The following OSBPL9 variants were observed in gnomAD, a reference collection of about 807,000 sequenced individuals.
OSBPL9 encodes oxysterol-binding protein-related protein 9.
In OSBPL9, 40 loss-of-function variants were observed where a neutral mutation model predicts 106.6. The observed-to-expected ratio is 0.38, with a 90% CI of 0.29 to 0.49. The LOEUF is 0.49. Ranked by LOEUF, OSBPL9 falls within the 20% of genes least tolerant of loss-of-function variation. OSBPL9 has a pLI of 0.97. For missense variants in OSBPL9, 609 were observed against 887.2 expected (o/e 0.69, Z 3.98); for synonymous variants, 269 against 295.4 (o/e 0.91, Z 0.92).
the OSBPL9 span, among the ~76,000 whole-genome samples, chr1:51,568,048 A>G: frequency 6.6e-6 from 1 of 152,222 alleles, no homozygotes; most frequent in Non-Finnish European, 1.5e-5. Context: ...GTGAAAACAT[A>G]AAGTATAGTG....
the OSBPL9 span, among the ~76,000 whole-genome samples, chr1:51,534,339 T>A: frequency 6.6e-6 from 1 of 152,252 alleles, no homozygotes; most frequent in African/African-American, 2.4e-5. Flanking sequence ...TTGGATTTTC[T>A]GATTGTCTTT....
chr1:51,716,180 T>A (rs1661012989), intron 4 of OSBPL9, among the ~76,000 whole-genome samples: 1 of 152,198 alleles, frequency 6.6e-6, no homozygotes, highest in Admixed American at 6.5e-5. Flanking sequence ...ATACAAGAGG[T>A]TTTTTTCCTA....
rs1162531147 is a variant in OSBPL9 at position 51,788,280 on chromosome 1, AGTT to A, written c.*495_*497del. 1 of 152,956 alleles carries A rather than the reference AGTT, an allele frequency of 6.5e-6. No homozygotes were observed. Among genetic ancestry groups the A allele is most frequent in the African/African-American group, 2.4e-5 (1 of 41,410 alleles). 9.5% of individuals were successfully genotyped at this position (152,956 alleles called of 1,614,324 possible). ...CCTACTGTAAATATGGGTTCCTCTG[AGTT>A]GTTTTAGAAAATTAGCGCAATGTAT... On this transcript the variant is annotated 3_prime_UTR_variant, in exon 24 of 24. Coordinates refer to ENST00000428468, the MANE Select transcript of OSBPL9 (RefSeq NM_024586.6).
At chr1:51,660,676 T>G (rs1163147612) in intron 2 of OSBPL9, among the ~76,000 whole-genome samples, 2 of 152,232 alleles carry the variant, frequency 1.3e-5, no homozygotes, top group Non-Finnish European at 2.9e-5. Flanking sequence ...AATGAATGAA[T>G]GATGCTAAAG....
intron 1 of OSBPL9, among the ~76,000 whole-genome samples, chr1:51,626,175 A>G (rs1017949971): frequency 6.6e-6 from 1 of 152,192 alleles, no homozygotes; most frequent in Non-Finnish European, 1.5e-5. Context: ...AGGAGATGCC[A>G]TGCTTACCAG....
intron 3 of OSBPL9, chr1:51,708,119 C>T (rs766425788): frequency 2.7e-4 from 56 of 209,890 alleles, no homozygotes; most frequent in Admixed American, 4.4e-4. Context: ...CAGCCAAATC[C>T]GTTTATTCCA....
chr1:51,780,053 G>A (rs879900746), intron 15 of OSBPL9, among the ~76,000 whole-genome samples: 12 of 150,278 alleles, frequency 8.0e-5, no homozygotes, highest in Non-Finnish European at 1.2e-4. Context: ...ACTCCAGCCT[G>A]GACAACAGAG....
At chr1:51,675,827 T>C (rs531580822) in intron 3 of OSBPL9, among the ~76,000 whole-genome samples, 33 of 152,344 alleles carry the variant, frequency 2.2e-4, no homozygotes, top group Admixed American at 1.6e-3. Context: ...TTTAATATCA[T>C]TCATAATGTT....
At chr1:51,575,892 A>C (rs1182862365), upstream of OSBPL9, among the ~76,000 whole-genome samples, 3 of 152,210 alleles carry the variant, frequency 2.0e-5, no homozygotes, top group Non-Finnish European at 4.4e-5. Flanking sequence ...AGCCAAAGGA[A>C]ATCTATATAA....
intron 3 of OSBPL9, among the ~76,000 whole-genome samples, chr1:51,685,854 G>T (rs538267325): frequency 6.6e-6 from 1 of 152,156 alleles, no homozygotes. Flanking sequence ...TTTATCATTA[G>T]ATTTTCTTAA....
chr1:51,659,214 A>G (rs1448385982), intron 2 of OSBPL9, among the ~76,000 whole-genome samples: 1 of 152,162 alleles, frequency 6.6e-6, no homozygotes, highest in East Asian at 1.9e-4. Flanking sequence ...GAGAATACCA[A>G]AGACGCAGTA....
the OSBPL9 span, among the ~76,000 whole-genome samples, chr1:51,566,904 G>C: frequency 6.6e-6 from 1 of 152,174 alleles, no homozygotes; most frequent in African/African-American, 2.4e-5. Flanking sequence ...ATCTCAGAGA[G>C]CTCCTGCATG....
At chr1:51,608,476 T>G (rs980848071) in intron 2 of OSBPL9, among the ~76,000 whole-genome samples, 18 of 151,838 alleles carry the variant, frequency 1.2e-4, no homozygotes, top group African/African-American at 4.1e-4. Context: ...TTTTTTTTAT[T>G]TTTAGTAGAG....
chr1:51,700,038 C>G (rs1656898721), intron 3 of OSBPL9, among the ~76,000 whole-genome samples: 1 of 152,146 alleles, frequency 6.6e-6, no homozygotes, highest in South Asian at 2.1e-4. Flanking sequence ...AAAACTTTAT[C>G]TTTGTTGTAT....
chr1:51,788,810 G>A lies in OSBPL9; in HGVS notation c.*1021G>A, dbSNP rs1017722778. Among the ~76,000 whole-genome samples, 2 of 151,916 alleles carry A rather than the reference G, an allele frequency of 1.3e-5. No homozygotes were observed. The highest frequency in any genetic ancestry group is 4.8e-5 in the African/African-American group (2 of 41,304). On this transcript the variant is annotated 3_prime_UTR_variant, in exon 24 of 24. Transcript: ENST00000428468. ...TAAAATGAATGCCACAGCAGCAGAT[G>A]GCTCATTCTGAAGGGAAATACAGAA...
intron 4 of OSBPL9, among the ~76,000 whole-genome samples, chr1:51,725,941 T>C (rs1453419540): frequency 1.3e-5 from 2 of 152,196 alleles, no homozygotes; most frequent in Non-Finnish European, 1.5e-5. Context: ...AAAACCCACA[T>C]ACAACTTTTG....
intron 22 of OSBPL9, among the ~76,000 whole-genome samples, chr1:51,786,969 A>T (rs1390342473): frequency 1.3e-5 from 2 of 152,182 alleles, no homozygotes; most frequent in African/African-American, 2.4e-5. Context: ...TCTGAAATGG[A>T]ACTTCTCAGT....
intron 1 of OSBPL9, among the ~76,000 whole-genome samples, chr1:51,649,340 C>T (rs1367677961): frequency 6.6e-6 from 1 of 152,172 alleles, no homozygotes; most frequent in Non-Finnish European, 1.5e-5. Context: ...CTCCTGGCCT[C>T]ACTCAAGTGA....
chr1:51,565,895 C>T, the OSBPL9 span: 4 of 152,174 alleles, frequency 2.6e-5, no homozygotes, highest in African/African-American at 9.7e-5. Flanking sequence ...ATCTGCCTCC[C>T]TTACTATATT....
Sources: gnomAD v4.1 joint callset for allele counts (sites outside exome capture counted in the v4.1 genomes callset) on GRCh38, gnomAD v4.1.1 for gene constraint, MANE v1.5 for transcripts, NCBI Gene and HGNC (gene_info 2026-07-23, HGNC 2026-07-21) for gene names.